Variants in ZNF722 observed in about 807,000 individuals in gnomAD.
The protein encoded by ZNF722 is zinc finger protein 722.
chr7:64,000,808 T>C, the ZNF722 span, among the ~76,000 whole-genome samples: 1 of 150,680 alleles, frequency 6.6e-6, no homozygotes, highest in Non-Finnish European at 1.5e-5. Context: ...GGACGGAGTC[T>C]CACTCTCCGC....
chr7:64,007,237 T>A, the ZNF722 span, among the ~76,000 whole-genome samples: 6 of 146,124 alleles, frequency 4.1e-5, no homozygotes, highest in South Asian at 1.1e-3. Flanking sequence ...TGTGTATATA[T>A]ATATATATAT....
chr7:64,003,221 G>T, the ZNF722 span, among the ~76,000 whole-genome samples: 1 of 152,160 alleles, frequency 6.6e-6, no homozygotes, highest in African/African-American at 2.4e-5. Flanking sequence ...CATTGCTGGT[G>T]TCTGATAGGG....
At chr7:63,999,942 C>T in the ZNF722 span, among the ~76,000 whole-genome samples, 10 of 152,036 alleles carry the variant, frequency 6.6e-5, no homozygotes, top group Admixed American at 6.6e-4. Context: ...GTGATCCGCC[C>T]ATCTTGGCCT....
At chr7:64,016,186 T>C in the ZNF722 span, 1 of 297,068 alleles carries the variant, frequency 3.4e-6, no homozygotes, top group Non-Finnish European at 6.2e-6. Context: ...TCACCCAGGC[T>C]GCAGTGCAGT....
At chr7:64,016,322 G>C in the ZNF722 span, among the ~76,000 whole-genome samples, 1 of 152,004 alleles carries the variant, frequency 6.6e-6, no homozygotes, top group African/African-American at 2.4e-5. Flanking sequence ...ATTTTTAGTA[G>C]AGATGGAGTT....
chr7:64,007,216 G>C, the ZNF722 span, among the ~76,000 whole-genome samples: 2 of 129,676 alleles, frequency 1.5e-5, no homozygotes, highest in Non-Finnish European at 3.1e-5. Context: ...CTTCCCATTT[G>C]TGTGTTTGTG....
chr7:64,004,122 C>T, the ZNF722 span, among the ~76,000 whole-genome samples: 2 of 151,760 alleles, frequency 1.3e-5, no homozygotes, highest in Admixed American at 1.3e-4. Flanking sequence ...AAATTTAGGC[C>T]GGGCGCAGTG....
the ZNF722 span, among the ~76,000 whole-genome samples, chr7:64,017,820 T>G: frequency 2.4e-3 from 361 of 152,084 alleles, 1 homozygote; most frequent in African/African-American, 7.9e-3. Context: ...AAAGAAGTAG[T>G]TTTTTTTGGA....
At chr7:64,015,174 G>A in the ZNF722 span, 1 of 1,350,112 alleles carries the variant, frequency 7.4e-7, no homozygotes, top group Non-Finnish European at 1.1e-6. Flanking sequence ...TGAGTGTGAG[G>A]TGCACAAAGG....
chr7:64,015,170 T>C, the ZNF722 span: 7 of 1,368,780 alleles, frequency 5.1e-6, no homozygotes, highest in Middle Eastern at 5.3e-4. Flanking sequence ...TGGGTGAGTG[T>C]GAGGTGCACA....
chr7:64,002,590 A>G, the ZNF722 span, among the ~76,000 whole-genome samples: 1 of 152,224 alleles, frequency 6.6e-6, no homozygotes, highest in East Asian at 1.9e-4. Context: ...AGAAGAAATA[A>G]AAATGCTGTG....
the ZNF722 span, among the ~76,000 whole-genome samples, chr7:64,013,602 TA>T: frequency 6.6e-6 from 1 of 152,092 alleles, no homozygotes; most frequent in African/African-American, 2.4e-5. Context: ...GCTAATTGTA[TA>T]TTTTTATGTT....
the ZNF722 span, chr7:64,015,208 G>T: frequency 7.8e-7 from 1 of 1,275,284 alleles, no homozygotes; most frequent in Non-Finnish European, 1.1e-6. Flanking sequence ...GTTAAGCAAT[G>T]TTTGTCAAAT....
At chr7:64,005,674 T>C in the ZNF722 span, 1 of 1,518,042 alleles carries the variant, frequency 6.6e-7, no homozygotes, top group Non-Finnish European at 9.1e-7. Context: ...AATGCCTGGA[T>C]TGTGCTCAGC....
At chr7:64,009,251 G>T in the ZNF722 span, among the ~76,000 whole-genome samples, 1 of 152,104 alleles carries the variant, frequency 6.6e-6, no homozygotes, top group Non-Finnish European at 1.5e-5. Context: ...TTTCTTGCCT[G>T]ATTGCCCTGG....
At chr7:64,007,680 T>C in the ZNF722 span, among the ~76,000 whole-genome samples, 1 of 152,174 alleles carries the variant, frequency 6.6e-6, no homozygotes, top group African/African-American at 2.4e-5. Context: ...TTTACTATTG[T>C]TGAGTAGTGC....
chr7:64,006,779 A>G, the ZNF722 span, among the ~76,000 whole-genome samples: 1 of 152,020 alleles, frequency 6.6e-6, no homozygotes. Flanking sequence ...TATAGCCTTG[A>G]AATATAAAGT....
the ZNF722 span, among the ~76,000 whole-genome samples, chr7:64,001,689 T>G: frequency 6.6e-6 from 1 of 152,206 alleles, no homozygotes; most frequent in African/African-American, 2.4e-5. Flanking sequence ...TTAAACAAAT[T>G]TATACTCTCA....
chr7:64,008,131 T>A, the ZNF722 span, among the ~76,000 whole-genome samples: 1 of 152,252 alleles, frequency 6.6e-6, no homozygotes, highest in Admixed American at 6.5e-5. Context: ...TCTTTGTAGA[T>A]TCCAGATATT....
Sources: allele counts gnomAD v4.1 joint callset (sites outside exome capture counted in the v4.1 genomes callset), GRCh38; gene constraint gnomAD v4.1.1; transcripts MANE v1.5; gene names NCBI Gene and HGNC (gene_info 2026-07-23, HGNC 2026-07-21).